RBMS1: variants seen among roughly 807,000 people sequenced by gnomAD.
RBMS1 encodes the protein RNA binding motif single stranded interacting protein 1, also known as RNA-binding motif, single-stranded-interacting protein 1.
RBMS1 carries 17 observed loss-of-function variants against 62.3 expected under a neutral mutation model. The ratio of observed to expected loss-of-function variants is 0.27; its 90% CI spans 0.19 to 0.41. RBMS1 has a LOEUF of 0.41. RBMS1 is among the 10% of genes least tolerant of loss of function. The pLI, the probability that RBMS1 is intolerant of heterozygous loss-of-function variation, is 1.00. For synonymous variants in RBMS1, 172 were observed against 170.0 expected, an observed-to-expected ratio of 1.01 and a Z score of -0.09; for missense variants, 334 against 504.5, an observed-to-expected ratio of 0.66 and a Z score of 3.24.
intron 2 of RBMS1, among the ~76,000 whole-genome samples, chr2:160,350,992 C>T (rs549091630): frequency 6.6e-6 from 1 of 151,902 alleles, no homozygotes; most frequent in Non-Finnish European, 1.5e-5. Flanking sequence ...TGTTCCTATT[C>T]GCCATAAAAA....
intron 2 of RBMS1, among the ~76,000 whole-genome samples, chr2:160,328,682 C>T (rs1205944948): frequency 6.6e-6 from 1 of 152,028 alleles, no homozygotes; most frequent in Non-Finnish European, 1.5e-5. Context: ...ACCACGGAAA[C>T]AAAACTATAA....
chr2:160,356,757 A>T (rs1161860285), intron 2 of RBMS1, among the ~76,000 whole-genome samples: 1 of 152,128 alleles, frequency 6.6e-6, no homozygotes, highest in Admixed American at 6.6e-5. Flanking sequence ...TAAATTACCT[A>T]ATTTGTGGTA....
chr2:160,383,933 C>T (rs1205375499), intron 1 of RBMS1, among the ~76,000 whole-genome samples: 2 of 152,226 alleles, frequency 1.3e-5, no homozygotes, highest in Admixed American at 6.5e-5. Context: ...TGCAGTGGCT[C>T]ACGCCTGTAA....
At chr2:160,357,557 G>A (rs1470063556) in intron 2 of RBMS1, among the ~76,000 whole-genome samples, 1 of 152,004 alleles carries the variant, frequency 6.6e-6, no homozygotes, top group East Asian at 1.9e-4. Context: ...TAATATTTGA[G>A]GTTTCAACAA....
chr2:160,427,701 T>C (rs1032581214), intron 1 of RBMS1, among the ~76,000 whole-genome samples: 1 of 152,232 alleles, frequency 6.6e-6, no homozygotes, highest in Admixed American at 6.5e-5. Flanking sequence ...CACTGATTAA[T>C]GGTTTCTGTT....
At chr2:160,458,707 G>C (rs61649531) in intron 1 of RBMS1, among the ~76,000 whole-genome samples, 42,816 of 151,498 alleles carry the variant, frequency 0.28, 6,663 homozygotes, top group East Asian at 0.6. Flanking sequence ...TGAGGCAGGA[G>C]AATCACTTGA....
intron 6 of RBMS1, among the ~76,000 whole-genome samples, chr2:160,293,877 A>G (rs1365570690): frequency 6.6e-6 from 1 of 152,246 alleles, no homozygotes; most frequent in East Asian, 1.9e-4. Flanking sequence ...TGCCTGAGGC[A>G]TGTCTCCTAA....
chr2:160,386,738 G>C (rs941506553), intron 1 of RBMS1, among the ~76,000 whole-genome samples: 1 of 152,036 alleles, frequency 6.6e-6, no homozygotes, highest in African/African-American at 2.4e-5. Context: ...TTGGCACCCT[G>C]ATCTCAGACT....
chr2:160,457,161 T>G (rs1018909994), intron 1 of RBMS1, among the ~76,000 whole-genome samples: 1 of 151,986 alleles, frequency 6.6e-6, no homozygotes, highest in Non-Finnish European at 1.5e-5. Flanking sequence ...GATGGAGTCT[T>G]GCTCTGTCGC....
At chr2:160,365,877 G>C (rs865803784) in intron 2 of RBMS1, among the ~76,000 whole-genome samples, 1 of 152,226 alleles carries the variant, frequency 6.6e-6, no homozygotes, top group Non-Finnish European at 1.5e-5. Context: ...TTGAACAGCT[G>C]CAATAGGGCA....
At chr2:160,396,547 TATC>T (rs145627203) in intron 1 of RBMS1, among the ~76,000 whole-genome samples, 1 of 131,292 alleles carries the variant, frequency 7.6e-6, no homozygotes, top group African/African-American at 2.8e-5. Context: ...CTTTTCTTTT[TATC>T]TTTTTTTTTT....
intron 4 of RBMS1, among the ~76,000 whole-genome samples, chr2:160,308,429 A>G (rs987526590): frequency 7.9e-5 from 12 of 151,930 alleles, no homozygotes; most frequent in African/African-American, 2.7e-4. Context: ...AAACAAAACA[A>G]AAATCATCTC....
intron 1 of RBMS1, among the ~76,000 whole-genome samples, chr2:160,399,336 T>C (rs1201970671): frequency 1.3e-5 from 2 of 152,144 alleles, no homozygotes; most frequent in African/African-American, 4.8e-5. Flanking sequence ...AAGGGCTTCC[T>C]GTATTTCAGT....
At chr2:160,404,357 G>A (rs78765055) in intron 1 of RBMS1, among the ~76,000 whole-genome samples, 1 of 151,990 alleles carries the variant, frequency 6.6e-6, no homozygotes, top group African/African-American at 2.4e-5. Flanking sequence ...ACCAACCACC[G>A]CTGCTTTAAC....
chr2:160,368,100 A>G (rs1693508686), intron 1 of RBMS1, among the ~76,000 whole-genome samples: 1 of 152,202 alleles, frequency 6.6e-6, no homozygotes. Flanking sequence ...CCACCTAGGA[A>G]GAATGTCTGA....
At chr2:160,440,953 T>C (rs1559554325) in intron 1 of RBMS1, among the ~76,000 whole-genome samples, 1 of 152,258 alleles carries the variant, frequency 6.6e-6, no homozygotes, top group South Asian at 2.1e-4. Context: ...GTTTTGACAA[T>C]TGTATACAGT....
intron 1 of RBMS1, among the ~76,000 whole-genome samples, chr2:160,472,892 C>T (rs912160854): frequency 6.6e-6 from 1 of 152,124 alleles, no homozygotes; most frequent in African/African-American, 2.4e-5. Context: ...TTCTCTATTC[C>T]TGTTTATGTT....
intron 1 of RBMS1, among the ~76,000 whole-genome samples, chr2:160,456,178 GATA>G (rs1381677695): frequency 6.6e-6 from 1 of 152,218 alleles, no homozygotes; most frequent in Non-Finnish European, 1.5e-5. Flanking sequence ...TTGTAACATT[GATA>G]ATACCACCAC....
intron 1 of RBMS1, among the ~76,000 whole-genome samples, chr2:160,420,241 C>T (rs1266928003): frequency 6.6e-6 from 1 of 152,152 alleles, no homozygotes; most frequent in Non-Finnish European, 1.5e-5. Flanking sequence ...CCCTTTACCT[C>T]TATTTCCAGC....
Sources: allele counts gnomAD v4.1 joint callset (sites outside exome capture counted in the v4.1 genomes callset), GRCh38; gene constraint gnomAD v4.1.1; transcripts MANE v1.5; gene names NCBI Gene and HGNC (gene_info 2026-07-23, HGNC 2026-07-21).